Variants in HSPB7 observed in about 807,000 individuals in gnomAD.
HSPB7 encodes heat shock protein beta-7.
HSPB7 carries 9 observed loss-of-function variants against 11.0 expected under a neutral mutation model. The ratio of observed to expected loss-of-function variants is 0.82; its 90% CI spans 0.49 to 1.43. The LOEUF is 1.43. Ranked by LOEUF, HSPB7 falls within the 40% of genes most tolerant of loss-of-function variation. The pLI, the probability that HSPB7 is intolerant of heterozygous loss-of-function variation, is 0.00. For missense variants in HSPB7, 246 were observed against 243.9 expected (o/e 1.01, Z -0.06); for synonymous variants, 102 against 101.6 (o/e 1.00, Z -0.02).
At position 16,017,129 on chromosome 1, in the gene HSPB7, G is replaced by A; in HGVS notation, c.278C>T (p.Pro93Leu). The A allele has an allele frequency of 1.2e-6, 2 of 1,613,662 alleles. No homozygotes were observed. The highest frequency in any genetic ancestry group is 2.2e-5 in the East Asian group (1 of 44,874). Residue 93 changes from proline (P) to leucine (L), a missense_variant, in exon 2 of 3, where the codon CCT (proline) becomes CTT (leucine). Coordinates refer to ENST00000311890, the MANE Select transcript of HSPB7 (RefSeq NM_014424.5). The stretch of plus-strand genomic sequence containing the variant: ...GGAGGTGGTGACAATGATGTCTTCA[G>A]GTGAGAAGTCTCTCACGTCCACCGC... Reference protein sequence around the residue: ...EFAVDVRDFSPEDIIVTTSNN... With the variant: ...EFAVDVRDFSLEDIIVTTSNN...
In HSPB7 at chr1:16,017,754, G is replaced by T; in HGVS notation, c.199+11C>A. ...TGCACCTCCCCTCCCCTCAGGGCCCGGATCACTTGCCTGGGAAGGCCAGGG... is the reference window on the plus strand; with the variant it reads ...TGCACCTCCCCTCCCCTCAGGGCCCTGATCACTTGCCTGGGAAGGCCAGGG... On this transcript the variant is annotated intron_variant, in intron 1 of 2. Transcript: ENST00000311890. 1.1e-5 allele frequency: 17 copies of T among 1,576,534 alleles called. No homozygotes were observed. The highest frequency in any genetic ancestry group is 2.3e-5 in the East Asian group (1 of 43,096).
chr1:16,019,219 C>A (rs757956445), upstream of HSPB7: 231 of 1,550,538 alleles, frequency 1.5e-4, 2 homozygotes, highest in African/African-American at 2.7e-3. Context: ...CCTCTGCTGT[C>A]CTCTCCAAAT....
At chr1:16,016,956 T>G in intron 2 of HSPB7, 118 bp downstream of exon 2, 7 of 1,032,462 alleles carry the variant, frequency 6.8e-6, no homozygotes, top group South Asian at 1.6e-5. Context: ...CTGGGGGAGT[T>G]TGGGTGGGGA....
At chr1:16,018,703 T>C (rs1213257925), upstream of HSPB7, 28 of 1,036,546 alleles carry the variant, frequency 2.7e-5, no homozygotes, top group Non-Finnish European at 2.9e-5. Context: ...GTCTAGAAGG[T>C]TGTGTTCCCG....
Position 16,017,806 on chromosome 1 carries a change from C to T in HSPB7, c.158G>A (p.Gly53Asp). ...KALSMFSDDF[G>D]SFMRPHSEPL... ...CTCCGAGTGGGGCCGCATGAAGCTG[C>T]CAAAGTCATCGGAAAACATGCTCAG... Residue 53 changes from glycine (G) to aspartate (D), a missense_variant, in exon 1 of 3, where the codon GGC (glycine) becomes GAC (aspartate). Transcript: ENST00000311890. 1 of 1,613,062 alleles carries T rather than the reference C, an allele frequency of 6.2e-7. No homozygotes were observed. The highest frequency in any genetic ancestry group is 8.5e-7 in the Non-Finnish European group (1 of 1,179,574).
In HSPB7 at chr1:16,017,160, CAT is replaced by C; in HGVS notation, c.245_246del (p.Tyr82Ter). The C allele has an allele frequency of 1.2e-6, 2 of 1,613,918 alleles. No individual in the cohort carries two copies. Among genetic ancestry groups the C allele is most frequent in the Non-Finnish European group, 1.7e-6 (2 of 1,179,828 alleles). On this transcript the variant is annotated frameshift_variant, in exon 2 of 3. Transcript: ENST00000311890. LOFTEE classifies it high-confidence loss of function. The part of the protein sequence containing the change: ...AGNIKTLGDA[Y>X]EFAVDVRDFS... ...AAGTCTCTCACGTCCACCGCAAACT[CAT>C]AGGCGTCTCCTAGGGTCTTGATGTT...
upstream of HSPB7, chr1:16,019,236 C>G: frequency 6.5e-7 from 1 of 1,549,672 alleles, no homozygotes. Flanking sequence ...AAATCCGTCC[C>G]TTCCGTCCCA....
rs542498582 is a variant in HSPB7, at chr1:16,016,982, G to A, written c.333+92C>T. On this transcript the variant is annotated intron_variant, in intron 2 of 2. Coordinates refer to ENST00000311890, the MANE Select transcript of HSPB7 (RefSeq NM_014424.5). ...TGGGTGGGGAAGGGACACTGGCCAG[G>A]GTCTGGGGTCCCAGGATGGTAAGGG... 9.0e-6 allele frequency: 12 copies of A among 1,329,862 alleles called. 1 individual carries two copies. The South Asian group carries it at 1.1e-4, about 12-fold the overall frequency. 82.4% of individuals were successfully genotyped at this position (1,329,862 alleles called of 1,614,324 possible). A position where few individuals can be genotyped will look rare whatever the true frequency, so the allele number is the denominator to read the frequency against.
At chr1:16,018,337 G>C, upstream of HSPB7, 1 of 1,237,674 alleles carries the variant, frequency 8.1e-7, no homozygotes, top group South Asian at 1.4e-5. Flanking sequence ...TGCAAGTTTG[G>C]GGTTTATTGT....
At position 16,017,184 on chromosome 1, in the gene HSPB7, T is replaced by A; in HGVS notation, c.223A>T (p.Ile75Phe). 1 of 1,613,536 alleles carries A rather than the reference T, an allele frequency of 6.2e-7. No homozygotes were observed. Among genetic ancestry groups the A allele is most frequent in the Non-Finnish European group, 8.5e-7 (1 of 1,179,556 alleles). The change falls in exon 2 of 3, where the codon ATC (isoleucine) becomes TTC (phenylalanine). Residue 75 changes from isoleucine (I) to phenylalanine (F), a missense_variant. Coordinates refer to ENST00000311890, the MANE Select transcript of HSPB7 (RefSeq NM_014424.5). The stretch of plus-strand genomic sequence containing the variant: ...TCATAGGCGTCTCCTAGGGTCTTGA[T>A]GTTGCCTGCCCCACCGGGGCGGGCT... ...FPARPGGAGNIKTLGDAYEFA... is the reference protein window; with the variant it reads ...FPARPGGAGNFKTLGDAYEFA...
intron 2 of HSPB7, among the ~76,000 whole-genome samples, chr1:16,016,652 A>C (rs1570277293): frequency 6.7e-6 from 1 of 150,238 alleles, no homozygotes; most frequent in Non-Finnish European, 1.5e-5. Context: ...ACATGGAGAA[A>C]CCCCTCCCCC....
upstream of HSPB7, chr1:16,018,982 G>A: frequency 1.0e-6 from 1 of 984,096 alleles, no homozygotes; most frequent in Non-Finnish European, 1.4e-6. Flanking sequence ...TGCGTAAGTG[G>A]CAGAGCTGGG....
At chr1:16,019,168 G>A (rs2021967188), upstream of HSPB7, 1 of 1,550,378 alleles carries the variant, frequency 6.5e-7, no homozygotes, top group Admixed American at 2.0e-5. Context: ...CATTCTGAGA[G>A]GCGGCCAGGC....
chr1:16,015,448 G>A lies in HSPB7; in HGVS notation c.*132C>T. 1 of 806,666 alleles carries A rather than the reference G, an allele frequency of 1.2e-6. No individual in the cohort carries two copies. Among genetic ancestry groups the A allele is most frequent in the Non-Finnish European group, 2.0e-6 (1 of 500,258 alleles). 50.0% of individuals were successfully genotyped at this position (806,666 alleles called of 1,614,324 possible). A position where few individuals can be genotyped will look rare whatever the true frequency, so the allele number is the denominator to read the frequency against. ...TGGAGGGCCCTAGTTTGGGAGGATG[G>A]TCCACCTGGGGTCTGGGGTGCGTGG... is the stretch of plus-strand genomic sequence containing the variant. On this transcript the variant is annotated 3_prime_UTR_variant, in exon 3 of 3. Coordinates refer to ENST00000311890, the MANE Select transcript of HSPB7 (RefSeq NM_014424.5). The surrounding 1 kb of genome is among the most constrained non-coding windows in gnomAD (Gnocchi z 4.9).
upstream of HSPB7, chr1:16,018,845 TG>T: frequency 7.8e-7 from 1 of 1,281,002 alleles, no homozygotes; most frequent in Non-Finnish European, 9.9e-7. Flanking sequence ...CTTCTGGGCA[TG>T]GGCTCCTGGC....
At chr1:16,019,023 C>T, upstream of HSPB7, 2 of 1,075,148 alleles carry the variant, frequency 1.9e-6, no homozygotes, top group Non-Finnish European at 2.6e-6. Context: ...GACCCAAAGC[C>T]CTTCAGAGGC....
upstream of HSPB7, chr1:16,019,457 C>G (rs2021982293): frequency 6.5e-7 from 1 of 1,549,094 alleles, no homozygotes; most frequent in Non-Finnish European, 8.7e-7. Context: ...CGAGGGTTCA[C>G]CTGTCTCCCC....
chr1:16,018,266 A>G, upstream of HSPB7: 1 of 1,398,188 alleles, frequency 7.2e-7, no homozygotes, highest in Non-Finnish European at 9.5e-7. Context: ...CCTCCTCACC[A>G]CTGCACAGGG....
upstream of HSPB7, chr1:16,019,433 A>G (rs1483290335): frequency 6.5e-7 from 1 of 1,549,760 alleles, no homozygotes; most frequent in Non-Finnish European, 8.7e-7. Flanking sequence ...TCCAACTGGC[A>G]GTTCCCACGG....
Sources: gnomAD v4.1 joint callset for allele counts (sites outside exome capture counted in the v4.1 genomes callset) on GRCh38, gnomAD v4.1.1 for gene constraint, Gnocchi (gnomAD v3.1) non-coding constraint, MANE v1.5 for transcripts, NCBI Gene and HGNC (gene_info 2026-07-23, HGNC 2026-07-21) for gene names.